The following ADCY10 variants were observed in gnomAD, a reference collection of about 807,000 sequenced individuals.
ADCY10 encodes the protein adenylate cyclase 10, also known as adenylate cyclase type 10.
In ADCY10, 156 loss-of-function variants were observed where a neutral mutation model predicts 183.3. The ratio of observed to expected loss-of-function variants is 0.85; its 90% CI spans 0.75 to 0.97. The LOEUF is 0.97. Among genes scored for constraint, ADCY10 ranks in the 50% least tolerant of loss-of-function variants. The probability of loss-of-function intolerance (pLI) is 0.00; values close to 1 mark genes in which losing one functional copy is unlikely to be tolerated. For synonymous variants in ADCY10, 645 were observed against 670.0 expected (o/e 0.96, Z 0.58); for missense variants, 1,745 against 1,934.3 (o/e 0.90, Z 1.84).
chr1:167,901,618 C>T (rs750416183), intron 5 of ADCY10, 44 bp downstream of exon 5: 1 of 1,597,150 alleles, frequency 6.3e-7, no homozygotes, highest in Non-Finnish European at 8.6e-7. Flanking sequence ...GAGTCAAGAC[C>T]CTATCCCAGC....
intron 1 of ADCY10, among the ~76,000 whole-genome samples, chr1:167,907,393 G>C (rs963134827): frequency 2.0e-5 from 3 of 152,210 alleles, no homozygotes; most frequent in Non-Finnish European, 4.4e-5. Context: ...CATGTCCCTT[G>C]TGGGTTGTAT....
chr1:167,848,428 A>G lies in ADCY10; in HGVS notation c.2370T>C (p.Ser790=). 1 of 1,613,824 alleles carries G rather than the reference A, an allele frequency of 6.2e-7. No homozygotes were observed. The highest frequency in any genetic ancestry group is 8.5e-7 in the Non-Finnish European group (1 of 1,179,800). The stretch of plus-strand genomic sequence containing the variant: ...CACTTGTGAGGTGACAGACTTCTTC[A>G]CTTTCCTTATCACTATGGAGAGTAA... ...NMVTLHSDKE[S]EEVCHLTSGV... is the part of the protein sequence containing the mutation. The change falls in exon 19 of 33, where the codon AGT becomes AGC. Residue 790 remains serine, a synonymous_variant. Coordinates refer to ENST00000367851, the MANE Select transcript of ADCY10 (RefSeq NM_018417.6).
chr1:167,836,206 T>C (rs1664177736), intron 23 of ADCY10, 103 bp downstream of exon 23: 3 of 776,858 alleles, frequency 3.9e-6, no homozygotes, highest in African/African-American at 1.7e-5. Flanking sequence ...CTGTCGGGAA[T>C]ATACAACGTG....
intron 14 of ADCY10, among the ~76,000 whole-genome samples, chr1:167,864,721 G>T (rs562942834): frequency 6.6e-6 from 1 of 152,226 alleles, no homozygotes; most frequent in South Asian, 2.1e-4. Flanking sequence ...ACCTAAAATT[G>T]ATAATTAAAG....
intron 26 of ADCY10, among the ~76,000 whole-genome samples, chr1:167,827,467 G>T (rs1225429527): frequency 6.7e-6 from 1 of 150,228 alleles, no homozygotes. Flanking sequence ...TGCCCGGCCT[G>T]CTGATTTAAT....
rs766522468 is a variant in ADCY10, at chr1:167,883,474, A to G, written c.983T>C (p.Phe328Ser). The change falls in exon 9 of 33, where the codon TTC becomes TCC. Residue 328 changes from phenylalanine (F) to serine (S), a missense_variant. Coordinates refer to ENST00000367851, the MANE Select transcript of ADCY10 (RefSeq NM_018417.6). ...GAAGACTTTATTGATTTGGCCTTGG[A>G]AGATCTTCAGGACAGAAGTGATGTG... ...YMHITSVLKI[F>S]QGQINKVFMF... 3 of 1,614,116 alleles carry G rather than the reference A, an allele frequency of 1.9e-6. No individual in the cohort carries two copies. The highest frequency in any genetic ancestry group is 2.2e-5 in the South Asian group (2 of 91,088).
chr1:167,842,109 G>A (rs765509047), intron 21 of ADCY10, among the ~76,000 whole-genome samples: 4 of 152,184 alleles, frequency 2.6e-5, no homozygotes, highest in Non-Finnish European at 5.9e-5. Flanking sequence ...CCAGCTACCA[G>A]CTTCCTCCCT....
chr1:167,809,455 C>T lies in ADCY10; in HGVS notation c.*223G>A, dbSNP rs1168222749. 5.4e-6 allele frequency: 3 copies of T among 551,778 alleles called. No homozygotes were observed. Among genetic ancestry groups the T allele is most frequent in the Non-Finnish European group, 9.7e-6 (3 of 310,734 alleles). 34.2% of individuals were successfully genotyped at this position (551,778 alleles called of 1,614,324 possible). ...AAATAAACAGGTCAAGCTAAAACAA[C>T]ATGAATGGTAAAAGCAATTTTTTGT... On this transcript the variant is annotated 3_prime_UTR_variant, in exon 33 of 33. Transcript: ENST00000367851.
At chr1:167,874,660 T>C (rs762252403) in intron 13 of ADCY10, among the ~76,000 whole-genome samples, 1 of 152,162 alleles carries the variant, frequency 6.6e-6, no homozygotes, top group Non-Finnish European at 1.5e-5. Context: ...AAAAGACTTG[T>C]GTAAGAATGT....
intron 17 of ADCY10, among the ~76,000 whole-genome samples, chr1:167,855,785 G>A (rs1665844621): frequency 6.6e-6 from 1 of 152,196 alleles, no homozygotes; most frequent in African/African-American, 2.4e-5. Context: ...GCTGAGATGG[G>A]AGGATTGCTT....
chr1:167,810,336 T>C (rs1329023630), intron 32 of ADCY10, among the ~76,000 whole-genome samples: 4 of 152,192 alleles, frequency 2.6e-5, no homozygotes, highest in Non-Finnish European at 4.4e-5. Flanking sequence ...AATGTTGGCA[T>C]CTCCTGAAAT....
chr1:167,906,555 A>G (rs1049780955), intron 1 of ADCY10, among the ~76,000 whole-genome samples: 1 of 151,484 alleles, frequency 6.6e-6, no homozygotes, highest in Non-Finnish European at 1.5e-5. Context: ...TGGGAGGCCT[A>G]CACAGGAGTA....
At chr1:167,830,271 C>T (rs1023228233) in intron 25 of ADCY10, among the ~76,000 whole-genome samples, 2 of 151,566 alleles carry the variant, frequency 1.3e-5, no homozygotes, top group Non-Finnish European at 2.9e-5. Flanking sequence ...CAGTCTCAAA[C>T]AGGGACTGTT....
chr1:167,828,057 T>C (rs182315837), intron 26 of ADCY10, among the ~76,000 whole-genome samples: 5 of 152,316 alleles, frequency 3.3e-5, no homozygotes, highest in African/African-American at 9.6e-5. Context: ...GTGAAAGACC[T>C]TAAAATGGGC....
intron 12 of ADCY10, among the ~76,000 whole-genome samples, chr1:167,875,851 G>A (rs1037557691): frequency 6.6e-6 from 1 of 152,182 alleles, no homozygotes; most frequent in Non-Finnish European, 1.5e-5. Context: ...TACTCAGGGG[G>A]CTGAGGCAGG....
rs113914746 is a variant in ADCY10 at position 167,852,376 on chromosome 1, G to A, written c.2308+1977C>T. Among the ~76,000 whole-genome samples, 686 of 152,068 alleles carry A rather than the reference G, an allele frequency of 4.5e-3. 7 individuals carry two copies. The highest frequency in any genetic ancestry group is 0.016 in the African/African-American group (643 of 41,474). ...GGAGAACTGCTTGAGCGCAGGAGAC[G>A]GAGATTGCAGTGAGCCGAGATCGTT... On this transcript the variant is annotated intron_variant, in intron 18 of 32. Coordinates refer to ENST00000367851, the MANE Select transcript of ADCY10 (RefSeq NM_018417.6).
rs148745290 is a variant in ADCY10, at chr1:167,856,351, C to T, written c.1985G>A (p.Arg662Gln). The T allele has an allele frequency of 8.1e-6, 13 of 1,613,992 alleles. No individual in the cohort carries two copies. Among genetic ancestry groups the T allele is most frequent in the Admixed American group, 1.7e-5 (1 of 60,012 alleles). Residue 662 changes from arginine (R) to glutamine (Q), a missense_variant, in exon 17 of 33, where the codon CGG becomes CAG. By Grantham distance (43) the Arg-to-Gln change is conservative. Transcript: ENST00000367851. ...TSWRFMEKLI[R>Q]TLPIFIIMSL... ...CATAATGATGAAGATAGGAAGAGTC[C>T]GGATAAGCTTCTCCATAAATCTCCA...
rs1318983507 is a variant in ADCY10 at position 167,833,956 on chromosome 1, T to C, written c.3417+14A>G. 6.2e-7 allele frequency: 1 copy of C among 1,600,360 alleles called. No homozygotes were observed. Among genetic ancestry groups the C allele is most frequent in the African/African-American group, 1.3e-5 (1 of 74,634 alleles). ...TATATAACAGATAAATTCAAGTCTTTAATGGTTTCTTACCTCACCTTTGAG... is the reference window on the plus strand; with the variant it reads ...TATATAACAGATAAATTCAAGTCTTCAATGGTTTCTTACCTCACCTTTGAG... On this transcript the variant is annotated intron_variant, in intron 24 of 32. Coordinates refer to ENST00000367851, the MANE Select transcript of ADCY10 (RefSeq NM_018417.6).
rs1405958408 is a variant in ADCY10 at position 167,901,810 on chromosome 1, A to G, written c.293-5T>C. On this transcript the variant is annotated splice_region_variant and splice_polypyrimidine_tract_variant and intron_variant, in intron 4 of 32. Transcript: ENST00000367851. Reference sequence around the variant, plus strand: ...ACAGGGCTAGCAGTGCATCACCTTCAGAGAGAGACATGCCGCGGGCTTTTG... The same window carrying G: ...ACAGGGCTAGCAGTGCATCACCTTCGGAGAGAGACATGCCGCGGGCTTTTG... 6.2e-7 allele frequency: 1 copy of G among 1,614,218 alleles called. No individual in the cohort carries two copies. Among genetic ancestry groups the G allele is most frequent in the South Asian group, 1.1e-5 (1 of 91,090 alleles).
Sources: allele counts gnomAD v4.1 joint callset (sites outside exome capture counted in the v4.1 genomes callset), GRCh38; gene constraint gnomAD v4.1.1; transcripts MANE v1.5; gene names NCBI Gene and HGNC (gene_info 2026-07-23, HGNC 2026-07-21).